Variants in FGD3 observed in about 807,000 individuals in gnomAD.
The protein encoded by FGD3 is FYVE, RhoGEF and PH domain containing 3, also known as FYVE, RhoGEF and PH domain-containing protein 3.
FGD3 carries 45 observed loss-of-function variants against 71.8 expected under a neutral mutation model. The observed-to-expected ratio is 0.63, with a 90% confidence interval of 0.49 to 0.80. The LOEUF is 0.80. Among genes scored for constraint, FGD3 ranks in the 30% least tolerant of loss-of-function variants. The probability of loss-of-function intolerance (pLI) is 0.00; values close to 1 mark genes in which losing one functional copy is unlikely to be tolerated. For missense variants in FGD3, 844 were observed against 951.5 expected (o/e 0.89, Z 1.49); for synonymous variants, 378 against 392.8 (o/e 0.96, Z 0.44).
At chr9:93,022,523 C>A in intron 14 of FGD3, 134 bp downstream of exon 14, 1 of 845,548 alleles carries the variant, frequency 1.2e-6, no homozygotes, top group Non-Finnish European at 1.8e-6. Context: ...AGGGGCCAGT[C>A]TGCCCTGCTC....
chr9:92,997,807 T>C, intron 3 of FGD3, among the ~76,000 whole-genome samples: 2 of 152,230 alleles, frequency 1.3e-5, no homozygotes. Context: ...CCCACTCTCT[T>C]CTGGCTTGTA....
Position 93,028,783 on chromosome 9 carries a change from G to C in FGD3, c.1558-1091G>C, listed in dbSNP as rs1024782098. Among the ~76,000 whole-genome samples, 7 of 152,126 alleles carry C rather than the reference G, an allele frequency of 4.6e-5. No individual in the cohort carries two copies. In the East Asian group the frequency reaches 1.4e-3, roughly 29 times the overall value. ...AGAGGTGAGTCATCCAGGGTTGCAG[G>C]GCTGACAGGAGGCAGGAGACTGGGG... On this transcript the variant is annotated intron_variant, in intron 14 of 17. Transcript: ENST00000375482.
intron 6 of FGD3, among the ~76,000 whole-genome samples, chr9:93,007,521 G>C (rs544013150): frequency 6.6e-6 from 1 of 152,302 alleles, no homozygotes; most frequent in South Asian, 2.1e-4. Context: ...AGCTGGGCGT[G>C]ACATGCCTAT....
At chr9:93,000,052 T>TG (rs59940455) in intron 3 of FGD3, among the ~76,000 whole-genome samples, 1 of 17,850 alleles carries the variant, frequency 5.6e-5, no homozygotes, top group Non-Finnish European at 8.5e-5. Flanking sequence ...GTTTAATTGA[T>TG]TTTTTTTTGT....
chr9:92,949,045 C>G (rs1287614058), intron 1 of FGD3, among the ~76,000 whole-genome samples: 1 of 152,204 alleles, frequency 6.6e-6, no homozygotes, highest in African/African-American at 2.4e-5. Context: ...ATCCCTTGGG[C>G]CTTTAGTTGG....
Position 93,036,144 on chromosome 9 carries a change from A to G in FGD3, c.*555A>G, listed in dbSNP as rs1862590498. 1 of 152,696 alleles carries G rather than the reference A, an allele frequency of 6.5e-6. No individual in the cohort carries two copies. Among genetic ancestry groups the G allele is most frequent in the Admixed American group, 6.5e-5 (1 of 15,308 alleles). 9.5% of individuals were successfully genotyped at this position (152,696 alleles called of 1,614,324 possible). A position where few individuals can be genotyped will look rare whatever the true frequency, so the allele number is the denominator to read the frequency against. The stretch of plus-strand genomic sequence containing the variant: ...AGCTCTGCTAGGACTTACCCCAGCC[A>G]CTGAGTGGCAGGCGCATGAGATTTG... On this transcript the variant is annotated 3_prime_UTR_variant, in exon 18 of 18. Coordinates refer to ENST00000375482, the MANE Select transcript of FGD3 (RefSeq NM_001083536.2).
intron 16 of FGD3, chr9:93,033,311 C>T (rs1257101829): frequency 7.8e-5 from 21 of 270,026 alleles, no homozygotes; most frequent in Non-Finnish European, 1.5e-4. Context: ...CCTTCTCCTC[C>T]TCCTCCCCGT....
intron 14 of FGD3, among the ~76,000 whole-genome samples, chr9:93,027,870 C>T (rs1450906594): frequency 6.6e-6 from 1 of 151,866 alleles, no homozygotes; most frequent in Non-Finnish European, 1.5e-5. Flanking sequence ...CAGGCACGTG[C>T]CACCACATCA....
intron 3 of FGD3, among the ~76,000 whole-genome samples, chr9:92,989,718 A>C (rs143600482): frequency 1.6e-4 from 24 of 152,350 alleles, no homozygotes; most frequent in African/African-American, 5.8e-4. Context: ...TCTGGTTCTC[A>C]GTAAATCGGC....
intron 7 of FGD3, among the ~76,000 whole-genome samples, chr9:93,010,826 C>A (rs371585758): frequency 6.6e-6 from 1 of 152,026 alleles, no homozygotes; most frequent in Non-Finnish European, 1.5e-5. Flanking sequence ...TTGAAGTATG[C>A]GGGTGGACAT....
chr9:92,964,135 G>A (rs143365090), intron 1 of FGD3: 3 of 152,440 alleles, frequency 2.0e-5, no homozygotes, highest in African/African-American at 4.8e-5. Flanking sequence ...GTGGAGAGCT[G>A]TGGATTGCAT....
chr9:92,997,659 G>C (rs938545184), intron 3 of FGD3, among the ~76,000 whole-genome samples: 2 of 152,150 alleles, frequency 1.3e-5, no homozygotes, highest in Admixed American at 6.6e-5. Flanking sequence ...CCTCTTGTAA[G>C]GCAGGCCTGG....
intron 1 of FGD3, among the ~76,000 whole-genome samples, chr9:92,959,492 GAGCCTGGGAGTTCAAGGTC>G (rs1859129231): frequency 6.6e-6 from 1 of 151,880 alleles, no homozygotes; most frequent in Non-Finnish European, 1.5e-5. Context: ...AGGATCGCTT[GAGCCTGGGAGTTCAAGGTC>G]AGCCTGGGAA....
intron 3 of FGD3, among the ~76,000 whole-genome samples, chr9:92,992,437 G>T (rs1351149077): frequency 1.3e-5 from 2 of 152,210 alleles, no homozygotes; most frequent in Admixed American, 1.3e-4. Flanking sequence ...AATTCCCTTA[G>T]ATTTTGCTTG....
intron 1 of FGD3, among the ~76,000 whole-genome samples, chr9:92,964,941 G>A (rs1328683440): frequency 6.6e-6 from 1 of 152,236 alleles, no homozygotes; most frequent in Non-Finnish European, 1.5e-5. Flanking sequence ...GCACTCTGCA[G>A]GTTAGATATT....
At chr9:93,009,863 C>G (rs1402467256) in intron 6 of FGD3, among the ~76,000 whole-genome samples, 1 of 152,226 alleles carries the variant, frequency 6.6e-6, no homozygotes, top group Non-Finnish European at 1.5e-5. Context: ...GGGCGAAGCT[C>G]TGCCTGATTT....
At chr9:92,953,135 C>T (rs1404038828) in intron 1 of FGD3, among the ~76,000 whole-genome samples, 1 of 152,158 alleles carries the variant, frequency 6.6e-6, no homozygotes, top group Non-Finnish European at 1.5e-5. Context: ...TATTCAGGGC[C>T]TGATTGAGTG....
intron 16 of FGD3, 154 bp from the exon 17 acceptor site, chr9:93,034,387 G>A (rs1489121537): frequency 8.0e-6 from 8 of 996,114 alleles, no homozygotes; most frequent in African/African-American, 3.3e-5. Context: ...CTTGCAAGCC[G>A]GGTGAGGCTG....
intron 3 of FGD3, among the ~76,000 whole-genome samples, chr9:92,978,999 C>G (rs199971812): frequency 6.6e-6 from 1 of 151,270 alleles, no homozygotes; most frequent in Non-Finnish European, 1.5e-5. Flanking sequence ...TTAGTCCTAA[C>G]AGTTTTTAAT....
Sources: allele counts gnomAD v4.1 joint callset (sites outside exome capture counted in the v4.1 genomes callset), GRCh38; gene constraint gnomAD v4.1.1; transcripts MANE v1.5; gene names NCBI Gene and HGNC (gene_info 2026-07-23, HGNC 2026-07-21).